The following UHRF2 variants were observed in gnomAD, a reference collection of about 807,000 sequenced individuals.
The protein encoded by UHRF2 is ubiquitin like with PHD and ring finger domains 2, also known as E3 ubiquitin-protein ligase UHRF2.
UHRF2 carries 23 observed loss-of-function variants against 96.8 expected under a neutral mutation model. The ratio of observed to expected loss-of-function variants is 0.24; its 90% confidence interval spans 0.17 to 0.34. The LOEUF (loss-of-function observed/expected upper bound fraction) is 0.34. Ranked by LOEUF, UHRF2 falls within the 10% of genes least tolerant of loss-of-function variation. UHRF2 has a pLI of 1.00. For synonymous variants in UHRF2, 385 were observed against 332.6 expected (o/e 1.16, Z -1.72); for missense variants, 685 against 981.5 (o/e 0.70, Z 4.04).
chr9:6,441,193 A>G, intron 3 of UHRF2, among the ~76,000 whole-genome samples: 1 of 152,098 alleles, frequency 6.6e-6, no homozygotes, highest in East Asian at 1.9e-4. Context: ...AGCCTAGGCA[A>G]CATGGCAAAA....
chr9:6,454,520 G>A (rs1031433369), intron 3 of UHRF2, among the ~76,000 whole-genome samples: 4 of 152,224 alleles, frequency 2.6e-5, no homozygotes, highest in East Asian at 1.9e-4. Flanking sequence ...TCAGAACTAC[G>A]TGAACACAGA....
chr9:6,443,294 G>C (rs1377086152), intron 3 of UHRF2, among the ~76,000 whole-genome samples: 1 of 152,098 alleles, frequency 6.6e-6, no homozygotes, highest in African/African-American at 2.4e-5. Flanking sequence ...GCAGTATACA[G>C]ATACTTTACC....
chr9:6,440,947 T>C (rs1372987638), intron 3 of UHRF2, among the ~76,000 whole-genome samples: 2 of 152,232 alleles, frequency 1.3e-5, no homozygotes, highest in Non-Finnish European at 2.9e-5. Context: ...CCTGTGATTC[T>C]ATTTCATTCC....
chr9:6,465,732 A>T (rs894881374), intron 4 of UHRF2, among the ~76,000 whole-genome samples: 1 of 152,094 alleles, frequency 6.6e-6, no homozygotes. Flanking sequence ...GATCCTCTCT[A>T]TTGTATTGAA....
At chr9:6,423,321 T>A (rs914472758) in intron 2 of UHRF2, among the ~76,000 whole-genome samples, 2 of 152,186 alleles carry the variant, frequency 1.3e-5, no homozygotes, top group African/African-American at 4.8e-5. Context: ...AGCTTCCTAT[T>A]GCTTTATAAA....
intron 4 of UHRF2, among the ~76,000 whole-genome samples, chr9:6,470,402 T>A (rs1823172895): frequency 6.6e-6 from 1 of 151,008 alleles, no homozygotes; most frequent in Admixed American, 6.6e-5. Context: ...ATCTTTTTCA[T>A]GAAGATACCT....
chr9:6,506,184 C>T lies in UHRF2; in HGVS notation c.*5C>T, dbSNP rs200169545. The stretch of plus-strand genomic sequence containing the variant: ...GGCTACAGCAAAGGACGATGATCTG[C>T]CTGCTTTCACTGTGTTGTTCATGGT... On this transcript the variant is annotated 3_prime_UTR_variant, in exon 16 of 16. Transcript: ENST00000276893. 421 of 1,613,688 alleles carry T rather than the reference C, an allele frequency of 2.6e-4. No homozygotes were observed. Among genetic ancestry groups the T allele is most frequent in the Non-Finnish European group, 3.3e-4 (391 of 1,179,900 alleles).
intron 8 of UHRF2, among the ~76,000 whole-genome samples, chr9:6,483,991 A>G (rs531037867): frequency 9.2e-5 from 14 of 152,068 alleles, no homozygotes; most frequent in African/African-American, 1.9e-4. Flanking sequence ...ACCCGGCTTC[A>G]TCATCATTTT....
At chr9:6,435,710 G>A (rs1820802756) in intron 3 of UHRF2, among the ~76,000 whole-genome samples, 1 of 152,072 alleles carries the variant, frequency 6.6e-6, no homozygotes, top group Non-Finnish European at 1.5e-5. Flanking sequence ...AGGTTGAAGC[G>A]ATTCTGCTAC....
chr9:6,487,659 A>C (rs1824388358), intron 9 of UHRF2, among the ~76,000 whole-genome samples: 1 of 151,922 alleles, frequency 6.6e-6, no homozygotes, highest in Non-Finnish European at 1.5e-5. Flanking sequence ...GAGCCACCAC[A>C]CCTGGTCAAT....
At chr9:6,468,765 T>G (rs1441333616) in intron 4 of UHRF2, 1 of 448,182 alleles carries the variant, frequency 2.2e-6, no homozygotes, top group South Asian at 1.6e-5. Context: ...GGGTAACTGG[T>G]GTAATGGCTC....
At chr9:6,455,838 G>T (rs1164616368) in intron 3 of UHRF2, among the ~76,000 whole-genome samples, 3 of 152,112 alleles carry the variant, frequency 2.0e-5, no homozygotes, top group African/African-American at 7.2e-5. Context: ...TTTAAAACTA[G>T]CCAGGCATAG....
At chr9:6,443,149 T>C (rs142594580) in intron 3 of UHRF2, among the ~76,000 whole-genome samples, 12 of 152,332 alleles carry the variant, frequency 7.9e-5, no homozygotes, top group African/African-American at 2.4e-4. Flanking sequence ...ATCTTAAGAA[T>C]GAAGCTACCT....
rs1563774466 is a variant in UHRF2, at chr9:6,460,642, A to T, written c.714A>T (p.Lys238Asn). 3 of 1,613,408 alleles carry T rather than the reference A, an allele frequency of 1.9e-6. No homozygotes were observed. Among genetic ancestry groups the T allele is most frequent in the Non-Finnish European group, 2.5e-6 (3 of 1,179,818 alleles). Reference sequence around the variant, plus strand: ...GACCACGAGCTAGAACCATTTTGAAATGGAATGAACTAAATGTTGGTGATG... The same window carrying T: ...GACCACGAGCTAGAACCATTTTGAATTGGAATGAACTAAATGTTGGTGATG... Reference protein sequence around the residue: ...DLRPRARTILKWNELNVGDVV... With the variant: ...DLRPRARTILNWNELNVGDVV... The change falls in exon 4 of 16, where the codon AAA (lysine) becomes AAT (asparagine). Residue 238 changes from lysine (K) to asparagine (N), a missense_variant. Lys to Asn is a moderately conservative substitution (Grantham distance 94). This residue lies in a region of UHRF2 where 391 missense variants were observed against 437.0 expected (regional missense o/e 0.89). Coordinates refer to ENST00000276893, the MANE Select transcript of UHRF2 (RefSeq NM_152896.3).
chr9:6,416,577 C>T (rs1168632865), intron 1 of UHRF2, among the ~76,000 whole-genome samples: 1 of 102,772 alleles, frequency 9.7e-6, no homozygotes, highest in Non-Finnish European at 1.8e-5. Context: ...GAGTCTCGTT[C>T]TGTCGCCCAG....
chr9:6,441,884 T>G (rs2130791143), intron 3 of UHRF2, among the ~76,000 whole-genome samples: 1 of 152,328 alleles, frequency 6.6e-6, no homozygotes, highest in African/African-American at 2.4e-5. Flanking sequence ...CATATTAATT[T>G]TTCATAGAAA....
chr9:6,483,573 T>G (rs1238690274), intron 8 of UHRF2, among the ~76,000 whole-genome samples: 1 of 152,244 alleles, frequency 6.6e-6, no homozygotes, highest in Non-Finnish European at 1.5e-5. Flanking sequence ...TCTCTCGACT[T>G]GGCAGATGTG....
intron 12 of UHRF2, chr9:6,499,165 G>A (rs1186214643): frequency 1.3e-5 from 2 of 152,192 alleles, no homozygotes; most frequent in Non-Finnish European, 2.9e-5. Flanking sequence ...GAGCCCATCT[G>A]CTATGATGAG....
intron 2 of UHRF2, 23 bp from the exon 3 acceptor site, chr9:6,433,891 A>G (rs759395285): frequency 6.3e-7 from 1 of 1,592,794 alleles, no homozygotes; most frequent in East Asian, 2.2e-5. Flanking sequence ...AAGCTTCATT[A>G]ACTGATTTTA....
Sources: gnomAD v4.1 joint callset for allele counts (sites outside exome capture counted in the v4.1 genomes callset) on GRCh38, gnomAD v4.1.1 for gene constraint, gnomAD v4.1.1 regional missense constraint, MANE v1.5 for transcripts, NCBI Gene and HGNC (gene_info 2026-07-23, HGNC 2026-07-21) for gene names.